Variants in RPS6KA3 observed in about 807,000 individuals in gnomAD.
The protein encoded by RPS6KA3 is ribosomal protein S6 kinase alpha-3.
RPS6KA3 carries 4 observed loss-of-function variants against 67.2 expected under a neutral mutation model. The observed-to-expected ratio is 0.06, with a 90% CI of 0.03 to 0.14. RPS6KA3 has a LOEUF of 0.14. Among genes scored for constraint, RPS6KA3 ranks in the 10% least tolerant of loss-of-function variants. The probability of loss-of-function intolerance (pLI) is 1.00; values close to 1 mark genes in which losing one functional copy is unlikely to be tolerated. For synonymous variants in RPS6KA3, 182 were observed against 183.7 expected (o/e 0.99, Z 0.07); for missense variants, 204 against 559.0 (o/e 0.36, Z 6.40).
At chrX:20,179,930 A>T (rs1258685512) in intron 10 of RPS6KA3, among the ~76,000 whole-genome samples, 1 of 109,447 alleles carries the variant, frequency 9.1e-6, no homozygotes, top group Non-Finnish European at 1.9e-5. Context: ...TCTGTACAAA[A>T]GATTAAAGAA....
intron 1 of RPS6KA3, among the ~76,000 whole-genome samples, chrX:20,248,545 T>C (rs1326317843): frequency 9.0e-6 from 1 of 111,590 alleles, no homozygotes; most frequent in African/African-American, 3.3e-5. Flanking sequence ...AGTGGCGTGA[T>C]CTCTGCTCAC....
intron 4 of RPS6KA3, among the ~76,000 whole-genome samples, chrX:20,197,432 G>T (rs2068303452): frequency 8.9e-6 from 1 of 112,172 alleles, no homozygotes. Context: ...AATTATTTGG[G>T]AGTCAAGAAC....
At chrX:20,192,376 T>A in intron 7 of RPS6KA3, among the ~76,000 whole-genome samples, 1 of 106,229 alleles carries the variant, frequency 9.4e-6, no homozygotes, top group Non-Finnish European at 1.9e-5. Context: ...CCATCCCTCC[T>A]GCCAAAAAAT....
intron 16 of RPS6KA3, among the ~76,000 whole-genome samples, chrX:20,168,459 G>A (rs2067493784): frequency 8.9e-6 from 1 of 111,910 alleles, no homozygotes; most frequent in African/African-American, 3.3e-5. Flanking sequence ...AGGTGTATGA[G>A]AAAGGGTGTG....
intron 17 of RPS6KA3, 116 bp downstream of exon 17, chrX:20,167,473 T>C (rs2067470154): frequency 2.9e-6 from 2 of 681,242 alleles, no homozygotes; most frequent in Non-Finnish European, 2.4e-6. Flanking sequence ...GTAGGATAAT[T>C]CAGCTAATAG....
At chrX:20,197,836 G>C (rs1227833810) in intron 4 of RPS6KA3, among the ~76,000 whole-genome samples, 1 of 111,662 alleles carries the variant, frequency 9.0e-6, no homozygotes, top group Non-Finnish European at 1.9e-5. Context: ...TCCCAACATA[G>C]AATTGGTTAA....
At chrX:20,219,820 C>T (rs751586644) in intron 2 of RPS6KA3, among the ~76,000 whole-genome samples, 41 of 111,698 alleles carry the variant, frequency 3.7e-4, no homozygotes, top group African/African-American at 1.2e-3. Context: ...TTAAAACAAC[C>T]GAAGGACAAC....
intron 2 of RPS6KA3, among the ~76,000 whole-genome samples, chrX:20,233,135 CA>C (rs1367649650): frequency 1.1e-4 from 12 of 109,315 alleles, no homozygotes; most frequent in African/African-American, 4.0e-4. Context: ...GACTCTGTCT[CA>C]AAAAAGAAAA....
At chrX:20,186,063 C>CAGG (rs1481492595) in intron 10 of RPS6KA3, among the ~76,000 whole-genome samples, 2 of 110,358 alleles carry the variant, frequency 1.8e-5, no homozygotes, top group African/African-American at 6.7e-5. Flanking sequence ...CCTCAGCCTC[C>CAGG]TGAGTACTGC....
chrX:20,262,542 A>C (rs1312726009), intron 1 of RPS6KA3, among the ~76,000 whole-genome samples: 1 of 112,238 alleles, frequency 8.9e-6, no homozygotes, highest in East Asian at 2.8e-4. Context: ...TCACATTTTG[A>C]ATCTACCCCA....
intron 1 of RPS6KA3, among the ~76,000 whole-genome samples, chrX:20,251,621 A>G (rs767069388): frequency 1.8e-5 from 2 of 113,192 alleles, no homozygotes. Flanking sequence ...TTGATATTTT[A>G]CTTTTTCAAT....
chrX:20,203,851 T>C (rs1603427607), intron 4 of RPS6KA3, 171 bp downstream of exon 4: 1 of 464,713 alleles, frequency 2.2e-6, no homozygotes, highest in Non-Finnish European at 3.8e-6. Flanking sequence ...TCACTAGTTA[T>C]ATGATTCCTA....
chrX:20,206,027 G>A (rs894424173), intron 3 of RPS6KA3, among the ~76,000 whole-genome samples: 1 of 112,370 alleles, frequency 8.9e-6, no homozygotes, highest in Non-Finnish European at 1.9e-5. Flanking sequence ...GAGGTACTGG[G>A]ACAGAGTCCG....
At chrX:20,178,885 G>A (rs1445200134) in intron 10 of RPS6KA3, among the ~76,000 whole-genome samples, 4 of 110,080 alleles carry the variant, frequency 3.6e-5, no homozygotes, top group East Asian at 2.8e-4. Context: ...AGGTAACAAG[G>A]ATGCAGCAGA....
intron 4 of RPS6KA3, chrX:20,203,263 CTT>C (rs11370800): frequency 1.1e-4 from 10 of 94,543 alleles, no homozygotes; most frequent in South Asian, 4.6e-4. Flanking sequence ...TTCTTAACTA[CTT>C]TTTTTTTTTT....
rs1044347514 is a variant in RPS6KA3, at chrX:20,150,669, G to A, written c.*4729C>T. Reference sequence around the variant, plus strand: ...TCATTCAGTACTATGGTGATAACAGGAGTAAAGATGTTCACTTCCATTAGA... The same window carrying A: ...TCATTCAGTACTATGGTGATAACAGAAGTAAAGATGTTCACTTCCATTAGA... On this transcript the variant is annotated 3_prime_UTR_variant, in exon 22 of 22. Transcript: ENST00000379565. 1 of 112,337 alleles carries A rather than the reference G, an allele frequency of 8.9e-6. No individual in the cohort carries two copies. Among genetic ancestry groups the A allele is most frequent in the Non-Finnish European group, 1.9e-5 (1 of 53,159 alleles). 9.3% of individuals were successfully genotyped at this position (112,337 alleles called of 1,213,427 possible).
At chrX:20,191,860 G>A (rs1489582886) in intron 7 of RPS6KA3, among the ~76,000 whole-genome samples, 4 of 110,303 alleles carry the variant, frequency 3.6e-5, no homozygotes, top group Admixed American at 1.9e-4. Context: ...TCCACCTCCC[G>A]GATTCAAGCG....
chrX:20,253,837 G>A (rs982515902), intron 1 of RPS6KA3, among the ~76,000 whole-genome samples: 40 of 108,328 alleles, frequency 3.7e-4, no homozygotes, highest in Non-Finnish European at 1.7e-4. Context: ...AGACTTTAAT[G>A]TTCCAAAAGA....
intron 7 of RPS6KA3, among the ~76,000 whole-genome samples, chrX:20,189,733 C>T (rs2068076314): frequency 1.8e-5 from 2 of 112,186 alleles, no homozygotes; most frequent in African/African-American, 6.5e-5. Flanking sequence ...AAAGCTATCC[C>T]ACAATATAGG....
Sources: allele counts gnomAD v4.1 joint callset (sites outside exome capture counted in the v4.1 genomes callset), GRCh38; gene constraint gnomAD v4.1.1; transcripts MANE v1.5; gene names NCBI Gene and HGNC (gene_info 2026-07-23, HGNC 2026-07-21).